HAPLN1: variants seen among roughly 807,000 people sequenced by gnomAD.
The protein encoded by HAPLN1 is Cartilage link protein.
HAPLN1 carries 13 observed loss-of-function variants against 36.5 expected under a neutral mutation model. The ratio of observed to expected loss-of-function variants is 0.36; its 90% CI spans 0.23 to 0.57. The LOEUF is 0.57. Ranked by LOEUF, HAPLN1 falls within the 20% of genes least tolerant of loss-of-function variation. HAPLN1 has a pLI of 0.83. For missense variants in HAPLN1, 407 were observed against 439.7 expected, an observed-to-expected ratio of 0.93 and a Z score of 0.66; for synonymous variants, 202 against 169.8, an observed-to-expected ratio of 1.19 and a Z score of -1.48.
At chr5:83,711,412 C>T (rs557508589) in intron 1 of HAPLN1, among the ~76,000 whole-genome samples, 3 of 152,188 alleles carry the variant, frequency 2.0e-5, no homozygotes, top group Admixed American at 2.0e-4. Flanking sequence ...GTGTGGAGGA[C>T]GGGGGCAGTT....
chr5:83,685,062 T>C (rs1328690470), intron 1 of HAPLN1, among the ~76,000 whole-genome samples: 1 of 152,242 alleles, frequency 6.6e-6, no homozygotes, highest in East Asian at 1.9e-4. Context: ...GCTATTGTTA[T>C]AAATTCAGTG....
At chr5:83,673,351 A>T in intron 2 of HAPLN1, 73 bp downstream of exon 2, 2 of 1,016,896 alleles carry the variant, frequency 2.0e-6, no homozygotes, top group South Asian at 1.5e-5. Flanking sequence ...ATTAAGAAAC[A>T]CTAGCCCAGC....
At chr5:83,682,901 C>A (rs142012685) in intron 1 of HAPLN1, among the ~76,000 whole-genome samples, 147 of 152,024 alleles carry the variant, frequency 9.7e-4, no homozygotes, top group African/African-American at 3.4e-3. Flanking sequence ...TTTACAACTT[C>A]TTTGGCTCAG....
At chr5:83,703,392 T>C (rs1279165911) in intron 1 of HAPLN1, 1 of 152,172 alleles carries the variant, frequency 6.6e-6, no homozygotes, top group African/African-American at 2.4e-5. Context: ...CATTTGAATG[T>C]TTTTTTGTAG....
intron 1 of HAPLN1, among the ~76,000 whole-genome samples, chr5:83,691,553 C>T (rs1044853518): frequency 6.6e-6 from 1 of 151,956 alleles, no homozygotes; most frequent in Non-Finnish European, 1.5e-5. Context: ...GCTCTAGGAC[C>T]ACCTAACAAA....
At chr5:83,690,798 GATCAATTACCAA>G (rs1751251752) in intron 1 of HAPLN1, among the ~76,000 whole-genome samples, 1 of 151,938 alleles carries the variant, frequency 6.6e-6, no homozygotes, top group Admixed American at 6.6e-5. Context: ...ATATTATTAT[GATCAATTACCAA>G]ATCTAGTCCT....
At chr5:83,663,214 A>G (rs1309692861) in intron 2 of HAPLN1, among the ~76,000 whole-genome samples, 1 of 152,220 alleles carries the variant, frequency 6.6e-6, no homozygotes, top group Non-Finnish European at 1.5e-5. Context: ...TGAAGGCTGA[A>G]AAATAGCAGG....
intron 2 of HAPLN1, among the ~76,000 whole-genome samples, chr5:83,662,894 G>A (rs1001720985): frequency 5.3e-5 from 8 of 152,230 alleles, no homozygotes; most frequent in South Asian, 2.1e-4. Flanking sequence ...TAAAGAAGAC[G>A]TCGAAATAAT....
intron 2 of HAPLN1, among the ~76,000 whole-genome samples, chr5:83,669,983 G>A (rs1561310202): frequency 6.6e-6 from 1 of 152,160 alleles, no homozygotes; most frequent in South Asian, 2.1e-4. Flanking sequence ...AACACCAAAT[G>A]CAGGAAGCAC....
At chr5:83,713,477 G>C (rs1157214375) in intron 1 of HAPLN1, among the ~76,000 whole-genome samples, 1 of 152,114 alleles carries the variant, frequency 6.6e-6, no homozygotes, top group Non-Finnish European at 1.5e-5. Context: ...TTCAGTTCTT[G>C]GTTAACTGCT....
chr5:83,665,642 T>C (rs990013705), intron 2 of HAPLN1, among the ~76,000 whole-genome samples: 2 of 152,254 alleles, frequency 1.3e-5, no homozygotes, highest in African/African-American at 2.4e-5. Context: ...CTTCTTGTTC[T>C]AACATACTTC....
At chr5:83,663,690 A>G (rs1231855581) in intron 2 of HAPLN1, among the ~76,000 whole-genome samples, 1 of 151,912 alleles carries the variant, frequency 6.6e-6, no homozygotes, top group Non-Finnish European at 1.5e-5. Context: ...TTATGCCTCC[A>G]TCATCCATCC....
chr5:83,693,978 C>T (rs1435914096), intron 1 of HAPLN1, among the ~76,000 whole-genome samples: 1 of 151,908 alleles, frequency 6.6e-6, no homozygotes, highest in African/African-American at 2.4e-5. Flanking sequence ...ATGTTCTACT[C>T]AACAAGAGCA....
In HAPLN1 at chr5:83,668,616, G is replaced by A. The variant is rs564422130; in HGVS notation, c.100+4808C>T. On this transcript the variant is annotated intron_variant, in intron 2 of 4. Coordinates refer to ENST00000274341, the MANE Select transcript of HAPLN1 (RefSeq NM_001884.4). The stretch of plus-strand genomic sequence containing the variant: ...GTGTCACATGCTGCTAAATGCCAGC[G>A]ATGTCACAGCATTTAACAAATGCTC... Among the ~76,000 whole-genome samples, 170 of 152,334 alleles carry A rather than the reference G, an allele frequency of 1.1e-3. 3 individuals are homozygous for A. The highest frequency in any genetic ancestry group is 4.0e-3 in the African/African-American group (166 of 41,576).
intron 2 of HAPLN1, among the ~76,000 whole-genome samples, chr5:83,659,539 A>C (rs1427678166): frequency 6.6e-6 from 1 of 152,132 alleles, no homozygotes; most frequent in Non-Finnish European, 1.5e-5. Context: ...ATATTTAAAA[A>C]ATTTTAAACC....
intron 2 of HAPLN1, among the ~76,000 whole-genome samples, chr5:83,657,832 A>G (rs1182532047): frequency 1.3e-5 from 2 of 151,876 alleles, no homozygotes; most frequent in Non-Finnish European, 2.9e-5. Flanking sequence ...CAACTGGGGA[A>G]TGTATTTAAG....
At chr5:83,714,717 G>A (rs1179004966) in intron 1 of HAPLN1, among the ~76,000 whole-genome samples, 3 of 152,194 alleles carry the variant, frequency 2.0e-5, no homozygotes, top group Non-Finnish European at 2.9e-5. Flanking sequence ...GACCAAGTAT[G>A]TGGATTCTCA....
intron 3 of HAPLN1, among the ~76,000 whole-genome samples, chr5:83,649,600 C>A (rs1749994736): frequency 6.6e-6 from 1 of 152,254 alleles, no homozygotes; most frequent in Middle Eastern, 3.4e-3. Context: ...AGGCACGTAC[C>A]ACCATGCCAG....
At chr5:83,706,589 T>C (rs1751658567) in intron 1 of HAPLN1, among the ~76,000 whole-genome samples, 1 of 152,100 alleles carries the variant, frequency 6.6e-6, no homozygotes, top group African/African-American at 2.4e-5. Context: ...CTCAAAATAG[T>C]AAGAACCATC....
Sources: allele counts gnomAD v4.1 joint callset (sites outside exome capture counted in the v4.1 genomes callset), GRCh38; gene constraint gnomAD v4.1.1; transcripts MANE v1.5; gene names NCBI Gene and HGNC (gene_info 2026-07-23, HGNC 2026-07-21).